SCHIP1: variants seen among roughly 807,000 people sequenced by gnomAD.
SCHIP1 encodes the protein schwannomin interacting protein 1.
SCHIP1 carries 8 observed loss-of-function variants against 29.7 expected under a neutral mutation model. That is an observed-to-expected ratio of 0.27 (90% CI 0.16 to 0.49). SCHIP1 has a LOEUF of 0.49. Among genes scored for constraint, SCHIP1 ranks in the 20% least tolerant of loss-of-function variants. The pLI is 0.99. For synonymous variants in SCHIP1, 76 were observed against 94.9 expected, an observed-to-expected ratio of 0.80 and a Z score of 1.16; for missense variants, 193 against 294.6, an observed-to-expected ratio of 0.66 and a Z score of 2.52.
At chr3:159,274,404 A>G in the SCHIP1 span, 1 of 953,988 alleles carries the variant, frequency 1.0e-6, no homozygotes, top group Non-Finnish European at 1.2e-6. Flanking sequence ...TCTCAAATTT[A>G]TTGGTATGAA....
At chr3:159,854,285 T>C (rs1713049371) in intron 1 of SCHIP1, among the ~76,000 whole-genome samples, 1 of 152,210 alleles carries the variant, frequency 6.6e-6, no homozygotes, top group South Asian at 2.1e-4. Flanking sequence ...CACTAACTTT[T>C]TTCCCAGGAA....
the SCHIP1 span, among the ~76,000 whole-genome samples, chr3:159,413,365 T>C: frequency 2.0e-5 from 3 of 152,272 alleles, no homozygotes; most frequent in East Asian, 5.8e-4. Flanking sequence ...ATTGATCTTT[T>C]TATAACTTAC....
At chr3:159,340,791 G>A in the SCHIP1 span, among the ~76,000 whole-genome samples, 136 of 152,076 alleles carry the variant, frequency 8.9e-4, no homozygotes, top group African/African-American at 3.0e-3. Context: ...AATTTGGGGG[G>A]GCGCAGAGAA....
chr3:159,731,975 T>C, the SCHIP1 span, among the ~76,000 whole-genome samples: 1 of 151,934 alleles, frequency 6.6e-6, no homozygotes, highest in South Asian at 2.1e-4. Context: ...GCCTCCTGAG[T>C]AGCTGGGAGG....
At chr3:159,383,893 G>C in the SCHIP1 span, among the ~76,000 whole-genome samples, 1 of 151,312 alleles carries the variant, frequency 6.6e-6, no homozygotes, top group Admixed American at 6.6e-5. Flanking sequence ...GTTCACTCAT[G>C]ATTTGGCTCT....
chr3:159,842,997 CTTTCTTTTTT>C lies in SCHIP1; in HGVS notation c.30+2787_30+2796del, dbSNP rs1474705454. On this transcript the variant is annotated intron_variant, in intron 1 of 6. Transcript: ENST00000445224. ...GCTCTCCAGTTCTATCCCAATATTTCTTTCTTTTTTTTTTTTTTTTTTTTTTTTTTTTGAG... is the reference window on the plus strand; with the variant it reads ...GCTCTCCAGTTCTATCCCAATATTTCTTTTTTTTTTTTTTTTTTTTTTGAG... Among the ~76,000 whole-genome samples the C allele has an allele frequency of 1.1e-3, 70 of 61,772 alleles. 4 individuals are homozygous for C. Among genetic ancestry groups the C allele is most frequent in the South Asian group, 7.0e-3 (9 of 1,290 alleles). The allele number at this position is 61,772 out of a possible 152,430, so 40.5% of individuals were successfully genotyped here. A position where few individuals can be genotyped will look rare whatever the true frequency, so the allele number is the denominator to read the frequency against.
chr3:159,359,473 T>C, the SCHIP1 span, among the ~76,000 whole-genome samples: 1 of 152,174 alleles, frequency 6.6e-6, no homozygotes, highest in Admixed American at 6.5e-5. Flanking sequence ...TACCCACATG[T>C]CTACTTAATT....
the SCHIP1 span, among the ~76,000 whole-genome samples, chr3:159,284,733 A>G: frequency 6.6e-6 from 1 of 151,974 alleles, no homozygotes; most frequent in Non-Finnish European, 1.5e-5. Flanking sequence ...GTGACCTCAG[A>G]TGATCTGCTT....
At chr3:159,795,009 C>T in the SCHIP1 span, among the ~76,000 whole-genome samples, 1 of 152,056 alleles carries the variant, frequency 6.6e-6, no homozygotes, top group African/African-American at 2.4e-5. Context: ...GAAGAAGTGT[C>T]GCGTTTGGTA....
the SCHIP1 span, among the ~76,000 whole-genome samples, chr3:159,813,609 G>C: frequency 1.3e-5 from 2 of 151,984 alleles, no homozygotes; most frequent in Non-Finnish European, 1.5e-5. Flanking sequence ...GATCACTTGA[G>C]GCCAGGAGTT....
At chr3:159,634,675 GGTT>G in the SCHIP1 span, among the ~76,000 whole-genome samples, 2 of 152,174 alleles carry the variant, frequency 1.3e-5, no homozygotes, top group Non-Finnish European at 2.9e-5. Context: ...GGGAATTGCA[GGTT>G]GTTCTCAGAT....
the SCHIP1 span, among the ~76,000 whole-genome samples, chr3:159,515,827 G>A: frequency 2.6e-5 from 4 of 152,132 alleles, no homozygotes; most frequent in Non-Finnish European, 5.9e-5. Flanking sequence ...GCAGGCACAG[G>A]AGATATGGTA....
At chr3:159,492,641 T>G in the SCHIP1 span, among the ~76,000 whole-genome samples, 5 of 152,130 alleles carry the variant, frequency 3.3e-5, no homozygotes, top group Non-Finnish European at 5.9e-5. Context: ...TACCTGAAAG[T>G]GATGGGGAGA....
At chr3:159,404,333 G>A in the SCHIP1 span, among the ~76,000 whole-genome samples, 5 of 152,082 alleles carry the variant, frequency 3.3e-5, no homozygotes, top group East Asian at 3.9e-4. Context: ...GTGGACTCTT[G>A]GGATGTCTGA....
chr3:159,877,726 A>C (rs951509620), intron 2 of SCHIP1, among the ~76,000 whole-genome samples: 1 of 152,232 alleles, frequency 6.6e-6, no homozygotes, highest in Non-Finnish European at 1.5e-5. Flanking sequence ...GGAAGGGGAA[A>C]AGTATTTCTT....
the SCHIP1 span, among the ~76,000 whole-genome samples, chr3:159,383,947 C>T: frequency 6.6e-5 from 10 of 150,696 alleles, no homozygotes; most frequent in African/African-American, 2.5e-4. Flanking sequence ...GTGATTTTTG[C>T]ACATTGATTT....
the SCHIP1 span, among the ~76,000 whole-genome samples, chr3:159,643,261 T>C: frequency 6.6e-6 from 1 of 152,098 alleles, no homozygotes; most frequent in African/African-American, 2.4e-5. Context: ...TTCCCAAGAA[T>C]TCTCAATGAG....
the SCHIP1 span, among the ~76,000 whole-genome samples, chr3:159,732,419 G>C: frequency 6.6e-6 from 1 of 152,224 alleles, no homozygotes; most frequent in Non-Finnish European, 1.5e-5. Context: ...GTGCAGGTGA[G>C]TTCCCAAACC....
the SCHIP1 span, among the ~76,000 whole-genome samples, chr3:159,279,668 AT>A: frequency 7.4e-6 from 1 of 135,422 alleles, no homozygotes; most frequent in Non-Finnish European, 1.6e-5. Context: ...AGCCTTGACC[AT>A]TGCTAATTTC....
Sources: gnomAD v4.1 joint callset for allele counts (sites outside exome capture counted in the v4.1 genomes callset) on GRCh38, gnomAD v4.1.1 for gene constraint, MANE v1.5 for transcripts, NCBI Gene and HGNC (gene_info 2026-07-23, HGNC 2026-07-21) for gene names.